The following CHL1 variants were observed in gnomAD, a reference collection of about 807,000 sequenced individuals.
CHL1 encodes the protein neural cell adhesion molecule L1-like protein.
A neutral mutation model predicts 141.9 loss-of-function variants in CHL1; 96 were observed. That is an observed-to-expected ratio of 0.68 (90% CI 0.57 to 0.80). The LOEUF is 0.80. Among genes scored for constraint, CHL1 ranks in the 30% least tolerant of loss-of-function variants. The pLI is 0.00. For missense variants in CHL1, 1,820 were observed against 1,457.2 expected (o/e 1.25, Z -4.05); for synonymous variants, 613 against 502.2 (o/e 1.22, Z -2.95).
intron 2 of CHL1, among the ~76,000 whole-genome samples, chr3:282,001 T>C (rs1165194325): frequency 6.6e-6 from 1 of 152,272 alleles, no homozygotes; most frequent in Admixed American, 6.5e-5. Flanking sequence ...AATTCATTTA[T>C]GTCTTATATA....
intron 8 of CHL1, among the ~76,000 whole-genome samples, chr3:344,075 T>TGA (rs1221967327): frequency 2.0e-5 from 3 of 152,178 alleles, no homozygotes; most frequent in Non-Finnish European, 4.4e-5. Context: ...TTTAAGGAGC[T>TGA]GAGACTACAG....
At chr3:234,817 A>G (rs1207948409) in intron 1 of CHL1, among the ~76,000 whole-genome samples, 2 of 152,138 alleles carry the variant, frequency 1.3e-5, no homozygotes, top group Non-Finnish European at 2.9e-5. Context: ...CAGAATAGTC[A>G]AGTAATATGT....
intron 1 of CHL1, chr3:197,982 C>T (rs1402674959): frequency 2.8e-6 from 1 of 363,178 alleles, no homozygotes; most frequent in Non-Finnish European, 5.5e-6. Context: ...CCAGCCCCTC[C>T]GTTCCCACTC....
chr3:297,680 A>T (rs969746740), intron 2 of CHL1, among the ~76,000 whole-genome samples: 1 of 152,238 alleles, frequency 6.6e-6, no homozygotes, highest in Non-Finnish European at 1.5e-5. Context: ...AGAACACTTC[A>T]AATACCATTT....
At chr3:224,997 G>A (rs1328954435) in intron 1 of CHL1, among the ~76,000 whole-genome samples, 2 of 152,070 alleles carry the variant, frequency 1.3e-5, no homozygotes, top group Non-Finnish European at 2.9e-5. Flanking sequence ...TTAGCCAGGT[G>A]TGGTGGCTCA....
rs1224012507 is a variant in CHL1 at position 326,083 on chromosome 3, G to A, written c.197+19G>A. ...AACCAACGTGAGTATTGTTTCAAACGAAGTGGTTCTTTAAATGCGTGCTGT... is the reference window on the plus strand; with the variant it reads ...AACCAACGTGAGTATTGTTTCAAACAAAGTGGTTCTTTAAATGCGTGCTGT... On this transcript the variant is annotated intron_variant, in intron 4 of 27. Transcript: ENST00000256509. 7 of 1,489,856 alleles carry A rather than the reference G, an allele frequency of 4.7e-6. No homozygotes were observed. In the South Asian group the frequency reaches 5.7e-5, roughly 12 times the overall value. The allele number at this position is 1,489,856 out of a possible 1,614,324, so 92.3% of individuals were successfully genotyped here. A position where few individuals can be genotyped will look rare whatever the true frequency, so the allele number is the denominator to read the frequency against.
At chr3:399,378 AC>A (rs1330949072) in intron 26 of CHL1, among the ~76,000 whole-genome samples, 1 of 152,222 alleles carries the variant, frequency 6.6e-6, no homozygotes, top group East Asian at 1.9e-4. Context: ...GCAGTGGCTC[AC>A]GCCTGTAATT....
At position 341,961 on chromosome 3, in the gene CHL1, A is replaced by G; in HGVS notation, c.558A>G (p.Gly186=). ...AAAGAGTATACATGAGCCAAAAGGG[A>G]GATCTATACTTCGCAAACGTGGAAG... The part of the protein sequence containing the change: ...QDERVYMSQK[G]DLYFANVEEK... The change falls in exon 7 of 28, where the codon GGA becomes GGG. Residue 186 remains glycine, a synonymous_variant. Transcript: ENST00000256509. 1 of 1,613,102 alleles carries G rather than the reference A, an allele frequency of 6.2e-7. No individual in the cohort carries two copies. The highest frequency in any genetic ancestry group is 8.5e-7 in the Non-Finnish European group (1 of 1,179,278).
intron 2 of CHL1, among the ~76,000 whole-genome samples, chr3:245,320 T>C (rs1693060440): frequency 6.6e-6 from 1 of 152,166 alleles, no homozygotes; most frequent in Admixed American, 6.6e-5. Context: ...TAGTTCTAGG[T>C]AAGCTGTTTA....
rs1300154874 is a variant in CHL1 at position 405,903 on chromosome 3, A to G, written c.*192A>G. 3.7e-6 allele frequency: 2 copies of G among 534,556 alleles called. No individual in the cohort carries two copies. Among genetic ancestry groups the G allele is most frequent in the African/African-American group, 3.8e-5 (2 of 52,366 alleles). The allele number at this position is 534,556 out of a possible 1,614,324, so 33.1% of individuals were successfully genotyped here. On this transcript the variant is annotated 3_prime_UTR_variant, in exon 28 of 28. Coordinates refer to ENST00000256509, the MANE Select transcript of CHL1 (RefSeq NM_006614.4). The stretch of plus-strand genomic sequence containing the variant: ...ATAAAATGCCAAGCACTTCAGGCCT[A>G]TGTTTTGCTTATATTGTTTTCAGGT...
intron 27 of CHL1, among the ~76,000 whole-genome samples, chr3:404,979 C>G (rs1709420025): frequency 6.6e-6 from 1 of 152,172 alleles, no homozygotes; most frequent in Non-Finnish European, 1.5e-5. Context: ...ATGGCACCTT[C>G]TCTTTGTGTC....
At chr3:279,264 T>C (rs1418203043) in intron 2 of CHL1, among the ~76,000 whole-genome samples, 1 of 152,202 alleles carries the variant, frequency 6.6e-6, no homozygotes, top group African/African-American at 2.4e-5. Context: ...ATCCGGTTTC[T>C]TGCATCATTT....
At chr3:327,755 A>C (rs974527501) in intron 4 of CHL1, among the ~76,000 whole-genome samples, 9 of 151,956 alleles carry the variant, frequency 5.9e-5, no homozygotes, top group African/African-American at 2.2e-4. Flanking sequence ...TAAAAATACT[A>C]ATAGGAAATA....
intron 1 of CHL1, among the ~76,000 whole-genome samples, chr3:234,624 G>A (rs571253245): frequency 6.6e-6 from 1 of 152,232 alleles, no homozygotes; most frequent in South Asian, 2.1e-4. Flanking sequence ...GTGAGGCACG[G>A]ATCTTGGAGG....
intron 24 of CHL1, among the ~76,000 whole-genome samples, chr3:395,162 C>A (rs1708568534): frequency 6.6e-6 from 1 of 152,152 alleles, no homozygotes; most frequent in African/African-American, 2.4e-5. Flanking sequence ...AGTAGCAGGA[C>A]ATAAGGTCAC....
chr3:349,662 G>A lies in CHL1; in HGVS notation c.1033+119G>A, dbSNP rs73011378. The A allele has an allele frequency of 3.2e-3, 2,601 of 820,286 alleles. 13 individuals carry two copies. Among genetic ancestry groups the A allele is most frequent in the Middle Eastern group, 0.011 (45 of 4,218 alleles). The allele number at this position is 820,286 out of a possible 1,614,324, so 50.8% of individuals were successfully genotyped here. A position where few individuals can be genotyped will look rare whatever the true frequency, so the allele number is the denominator to read the frequency against. On this transcript the variant is annotated intron_variant, in intron 10 of 27. Coordinates refer to ENST00000256509, the MANE Select transcript of CHL1 (RefSeq NM_006614.4). ...AGGTCAGCAGTTTCAACTTTTAATT[G>A]TAGTGCGGGCATTGAATTATATTAC...
chr3:267,203 C>G (rs140689956), intron 2 of CHL1, among the ~76,000 whole-genome samples: 105 of 152,286 alleles, frequency 6.9e-4, no homozygotes, highest in African/African-American at 2.3e-3. Flanking sequence ...TAAGCCATGT[C>G]ATTTTTGTTA....
chr3:340,838 G>C lies in CHL1; in HGVS notation c.430G>C (p.Glu144Gln), dbSNP rs1342090276. 10 of 1,611,856 alleles carry C rather than the reference G, an allele frequency of 6.2e-6. No homozygotes were observed. The highest frequency in any genetic ancestry group is 1.7e-4 in the Middle Eastern group (1 of 6,058). The change falls in exon 6 of 28, where the codon GAG becomes CAG. Residue 144 changes from glutamate to glutamine, a missense_variant. Physicochemically the swap from Glu to Gln is conservative, Grantham distance 29. Transcript: ENST00000256509. ...AGAAAAAATTGACCCTCTTGAAGTGGAGGAGGGAGATCCAATTGTCCTCCC... is the reference window on the plus strand; with the variant it reads ...AGAAAAAATTGACCCTCTTGAAGTGCAGGAGGGAGATCCAATTGTCCTCCC... The part of the protein sequence containing the change: ...PKEKIDPLEV[E>Q]EGDPIVLPCN...
chr3:234,345 C>T (rs1014794425), intron 1 of CHL1, among the ~76,000 whole-genome samples: 1 of 151,994 alleles, frequency 6.6e-6, no homozygotes, highest in Non-Finnish European at 1.5e-5. Flanking sequence ...AAATCCTTTC[C>T]AACCAGACTT....
Sources: allele counts gnomAD v4.1 joint callset (sites outside exome capture counted in the v4.1 genomes callset), GRCh38; gene constraint gnomAD v4.1.1; transcripts MANE v1.5; gene names NCBI Gene and HGNC (gene_info 2026-07-23, HGNC 2026-07-21).